The following NEO1 variants were observed in gnomAD, a reference collection of about 807,000 sequenced individuals.
The protein encoded by NEO1 is neogenin.
NEO1 carries 63 observed loss-of-function variants against 159.7 expected under a neutral mutation model. The ratio of observed to expected loss-of-function variants is 0.39; its 90% CI spans 0.32 to 0.49. NEO1 has a LOEUF of 0.49. NEO1 is among the 20% of genes least tolerant of loss of function. The pLI is 0.85. For synonymous variants in NEO1, 633 were observed against 662.0 expected (o/e 0.96, Z 0.67); for missense variants, 1,615 against 1,831.0 (o/e 0.88, Z 2.15).
chr15:73,176,579 G>A (rs2151951738), intron 6 of NEO1, 22 bp downstream of exon 6: 2 of 1,583,036 alleles, frequency 1.3e-6, no homozygotes, highest in Non-Finnish European at 1.7e-6. Context: ...TCAAAGAAGT[G>A]TGTTTATTTC....
At position 73,282,986 on chromosome 15, in the gene NEO1, C is replaced by G; in HGVS notation, c.3285C>G (p.Ser1095Arg). Reference sequence around the variant, plus strand: ...CAGGCAGTAACAGCCCTCATGGGAGCCCCACCTCTCCTCTGGACAGTAATA... The same window carrying G: ...CAGGCAGTAACAGCCCTCATGGGAGGCCCACCTCTCCTCTGGACAGTAATA... ...PMSGSNSPHG[S>R]PTSPLDSNML... is the part of the protein sequence containing the mutation. The change falls in exon 23 of 29, where the codon AGC (serine) becomes AGG (arginine). Residue 1095 changes from serine to arginine, a missense_variant. Coordinates refer to ENST00000261908, the MANE Select transcript of NEO1 (RefSeq NM_002499.4). 1 of 1,614,114 alleles carries G rather than the reference C, an allele frequency of 6.2e-7. No homozygotes were observed. Among genetic ancestry groups the G allele is most frequent in the Non-Finnish European group, 8.5e-7 (1 of 1,179,992 alleles).
intron 7 of NEO1, among the ~76,000 whole-genome samples, chr15:73,178,696 A>G (rs1161454940): frequency 6.6e-6 from 1 of 152,228 alleles, no homozygotes; most frequent in South Asian, 2.1e-4. Context: ...GAATTTAGTC[A>G]TCTTAATCTC....
At chr15:73,205,930 CAG>C (rs1318726611) in intron 7 of NEO1, among the ~76,000 whole-genome samples, 1 of 150,936 alleles carries the variant, frequency 6.6e-6, no homozygotes, top group Non-Finnish European at 1.5e-5. Context: ...TTTTTTGAGT[CAG>C]AGCCTTACTC....
intron 1 of NEO1, among the ~76,000 whole-genome samples, chr15:73,106,889 T>C (rs1202499638): frequency 6.6e-6 from 1 of 152,192 alleles, no homozygotes; most frequent in Non-Finnish European, 1.5e-5. Flanking sequence ...GTCCAATAAT[T>C]CCCATTCTGT....
chr15:73,302,104 A>C (rs1296846734), intron 28 of NEO1, among the ~76,000 whole-genome samples: 1 of 152,184 alleles, frequency 6.6e-6, no homozygotes, highest in South Asian at 2.1e-4. Flanking sequence ...CCATCCATAC[A>C]TTCCCTCAGT....
intron 15 of NEO1, among the ~76,000 whole-genome samples, chr15:73,261,108 T>C (rs966762694): frequency 3.3e-5 from 5 of 152,122 alleles, no homozygotes; most frequent in African/African-American, 1.2e-4. Flanking sequence ...CTGTGTCCAT[T>C]TGACATCTTC....
intron 28 of NEO1, 37 bp downstream of exon 28, chr15:73,301,494 TG>T: frequency 1.2e-6 from 2 of 1,613,588 alleles, no homozygotes; most frequent in Non-Finnish European, 8.5e-7. Context: ...CCAGATTGCC[TG>T]GGAACATGCC....
chr15:73,089,435 A>G (rs1049134783), intron 1 of NEO1, among the ~76,000 whole-genome samples: 1 of 152,158 alleles, frequency 6.6e-6, no homozygotes, highest in Non-Finnish European at 1.5e-5. Flanking sequence ...ATATAGGACT[A>G]GTGAACCAAT....
chr15:73,120,605 T>C (rs2071589691), intron 2 of NEO1, among the ~76,000 whole-genome samples: 1 of 151,428 alleles, frequency 6.6e-6, no homozygotes, highest in Non-Finnish European at 1.5e-5. Context: ...TGCAATATAC[T>C]ATATATAAAT....
chr15:73,218,916 A>G (rs200067925), intron 7 of NEO1, among the ~76,000 whole-genome samples: 2 of 151,808 alleles, frequency 1.3e-5, no homozygotes, highest in African/African-American at 2.4e-5. Context: ...TTGTATCTCT[A>G]TCTCCTTCAG....
intron 4 of NEO1, among the ~76,000 whole-genome samples, chr15:73,132,654 T>A (rs566128160): frequency 6.6e-6 from 1 of 151,906 alleles, no homozygotes; most frequent in Non-Finnish European, 1.5e-5. Context: ...AGGACTAATA[T>A]CCAGAAGCTA....
chr15:73,301,219 T>C, intron 27 of NEO1, 102 bp from the exon 28 acceptor site: 1 of 1,470,554 alleles, frequency 6.8e-7, no homozygotes, highest in Non-Finnish European at 9.3e-7. Context: ...ACTGGGTCTG[T>C]ATGTCTCTCT....
chr15:73,228,740 C>G (rs925062942), intron 7 of NEO1, among the ~76,000 whole-genome samples: 2 of 151,978 alleles, frequency 1.3e-5, no homozygotes, highest in African/African-American at 2.4e-5. Context: ...TAGATTAAGA[C>G]TATGAGATAT....
chr15:73,191,459 TAGAC>T (rs1243372201), intron 7 of NEO1, among the ~76,000 whole-genome samples: 1 of 125,186 alleles, frequency 8.0e-6, no homozygotes, highest in East Asian at 2.2e-4. Flanking sequence ...TTTTTCAAAA[TAGAC>T]AACAGAAATC....
chr15:73,300,183 ATG>A (rs1200538813), intron 27 of NEO1, among the ~76,000 whole-genome samples: 1 of 152,238 alleles, frequency 6.6e-6, no homozygotes, highest in Non-Finnish European at 1.5e-5. Flanking sequence ...TATCATCAAA[ATG>A]TGTAAGTATT....
intron 7 of NEO1, among the ~76,000 whole-genome samples, chr15:73,202,187 T>C (rs1229270883): frequency 6.6e-6 from 1 of 152,128 alleles, no homozygotes. Context: ...GGTCTCGAAC[T>C]CCTGACCTCA....
chr15:73,240,309 T>C (rs117990187), intron 8 of NEO1, among the ~76,000 whole-genome samples: 1,672 of 152,320 alleles, frequency 0.011, 21 homozygotes, highest in East Asian at 0.05. Context: ...GAATGATTAG[T>C]AAATTAATTT....
intron 26 of NEO1, among the ~76,000 whole-genome samples, chr15:73,297,143 C>T (rs752093645): frequency 1.6e-4 from 24 of 152,252 alleles, no homozygotes; most frequent in African/African-American, 2.9e-4. Flanking sequence ...GTGGTCTCCC[C>T]GGGCCTTGGT....
At position 73,260,310 on chromosome 15, in the gene NEO1, G is replaced by A. The variant is rs1383808008; in HGVS notation, c.2243G>A (p.Arg748His). 7 of 1,613,664 alleles carry A rather than the reference G, an allele frequency of 4.3e-6. No individual in the cohort carries two copies. The highest frequency in any genetic ancestry group is 3.3e-4 in the Middle Eastern group (2 of 6,006). ...VPEVPSSLHV[R>H]PLVTSIVVSW... ...GAAGTGCCTAGCTCTCTTCACGTAC[G>A]CCCGCTCGTTACTAGCATCGTAGTG... The change falls in exon 15 of 29, where the codon CGC becomes CAC. Residue 748 changes from arginine to histidine, a missense_variant. Physicochemically the swap from Arg to His is conservative, Grantham distance 29 (BLOSUM62 0). Coordinates refer to ENST00000261908, the MANE Select transcript of NEO1 (RefSeq NM_002499.4).
Sources: gnomAD v4.1 joint callset for allele counts (sites outside exome capture counted in the v4.1 genomes callset) on GRCh38, gnomAD v4.1.1 for gene constraint, MANE v1.5 for transcripts, NCBI Gene and HGNC (gene_info 2026-07-23, HGNC 2026-07-21) for gene names.